Variants in PBRM1 observed in about 807,000 individuals in gnomAD.
PBRM1 encodes protein polybromo-1.
Under a neutral mutation model 194.5 loss-of-function variants are expected in PBRM1, and 27 were observed. The observed-to-expected ratio is 0.14, with a 90% CI of 0.10 to 0.19. PBRM1 has a LOEUF of 0.19. PBRM1 is among the 10% of genes least tolerant of loss of function. The probability of loss-of-function intolerance (pLI) is 1.00; values close to 1 mark genes in which losing one functional copy is unlikely to be tolerated. For synonymous variants in PBRM1, 655 were observed against 693.2 expected (o/e 0.94, Z 0.87); for missense variants, 1,466 against 2,077.2 (o/e 0.71, Z 5.72).
intron 2 of PBRM1, among the ~76,000 whole-genome samples, chr3:52,674,640 A>AT (rs1561075701): frequency 7.1e-3 from 519 of 73,520 alleles, no homozygotes; most frequent in Non-Finnish European, 0.015. Context: ...AAAAAAAAAA[A>AT]AAAATATATA....
At chr3:52,545,522 T>C (rs2079586620), downstream of PBRM1, 1 of 233,056 alleles carries the variant, frequency 4.3e-6, no homozygotes, top group Non-Finnish European at 8.5e-6. Context: ...TATGAAAACA[T>C]TCAAGCTCAA....
At chr3:52,641,542 CTATAG>C (rs1383775461) in intron 10 of PBRM1, among the ~76,000 whole-genome samples, 1 of 148,970 alleles carries the variant, frequency 6.7e-6, no homozygotes, top group African/African-American at 2.5e-5. Flanking sequence ...ATAAAAAAAT[CTATAG>C]TAAAGGGGAA....
chr3:52,673,010 G>A (rs6803012), intron 2 of PBRM1, among the ~76,000 whole-genome samples: 51,314 of 150,930 alleles, frequency 0.34, 9,690 homozygotes, highest in Admixed American at 0.46. Flanking sequence ...TTTTTGAGAC[G>A]GAGTTTTGCT....
upstream of PBRM1, chr3:52,681,763 A>AG (rs2097208526): frequency 9.9e-7 from 1 of 1,012,672 alleles, no homozygotes; most frequent in Non-Finnish European, 1.2e-6. Context: ...AGCCAAGTGA[A>AG]GCCAGTGGGA....
At chr3:52,639,044 G>A (rs2095956191) in intron 10 of PBRM1, among the ~76,000 whole-genome samples, 1 of 150,650 alleles carries the variant, frequency 6.6e-6, no homozygotes, top group Admixed American at 6.6e-5. Flanking sequence ...GAGTGCAATG[G>A]CACAATCTTG....
rs1236430802 is a variant in PBRM1 at position 52,609,995 on chromosome 3, G to A, written c.1925-40C>T. ...TTAATGTTAAATGAATAAAATAAATGAACCTAAATTTGTATACAGATGGTA... is the reference window on the plus strand; with the variant it reads ...TTAATGTTAAATGAATAAAATAAATAAACCTAAATTTGTATACAGATGGTA... On this transcript the variant is annotated intron_variant, in intron 15 of 29. Coordinates refer to ENST00000296302, the Ensembl canonical transcript of PBRM1. This position sits in a 1 kb window ranked among gnomAD's most constrained non-coding sequence, Gnocchi z 4.1. The A allele has an allele frequency of 7.8e-7, 1 of 1,273,994 alleles. No homozygotes were observed. Among genetic ancestry groups the A allele is most frequent in the Non-Finnish European group, 1.1e-6 (1 of 939,778 alleles). The allele number at this position is 1,273,994 out of a possible 1,614,324, so 78.9% of individuals were successfully genotyped here. A position where few individuals can be genotyped will look rare whatever the true frequency, so the allele number is the denominator to read the frequency against.
chr3:52,659,162 G>T (rs1393661548), intron 4 of PBRM1, among the ~76,000 whole-genome samples: 1 of 152,146 alleles, frequency 6.6e-6, no homozygotes, highest in East Asian at 1.9e-4. Context: ...AGACCCACTG[G>T]TTTATACCTA....
chr3:52,589,663 C>T (rs986773240), intron 17 of PBRM1, among the ~76,000 whole-genome samples: 4 of 151,972 alleles, frequency 2.6e-5, no homozygotes, highest in Admixed American at 2.6e-4. Flanking sequence ...TTTCATTTCA[C>T]TAAGTTATTA....
intron 3 of PBRM1, among the ~76,000 whole-genome samples, chr3:52,666,396 C>A (rs776882602): frequency 2.1e-4 from 32 of 152,038 alleles, no homozygotes; most frequent in Non-Finnish European, 2.6e-4. Flanking sequence ...ATTAGCCAGG[C>A]ATGATGGTGG....
intron 2 of PBRM1, among the ~76,000 whole-genome samples, chr3:52,671,290 T>C (rs1391013934): frequency 1.3e-5 from 2 of 152,210 alleles, no homozygotes; most frequent in Non-Finnish European, 2.9e-5. Flanking sequence ...GAAAAAAACA[T>C]ACATTCCACA....
chr3:52,636,353 A>T (rs2095810811), intron 10 of PBRM1, among the ~76,000 whole-genome samples: 1 of 152,142 alleles, frequency 6.6e-6, no homozygotes, highest in African/African-American at 2.4e-5. Flanking sequence ...TATGTTGCTC[A>T]TTTCCCCAAA....
intron 20 of PBRM1, among the ~76,000 whole-genome samples, chr3:52,581,127 T>C (rs1004307162): frequency 6.6e-6 from 1 of 152,194 alleles, no homozygotes; most frequent in Non-Finnish European, 1.5e-5. Context: ...CTTAAAAAAA[T>C]TCCTCCTTCA....
At chr3:52,650,368 A>C (rs886616076) in intron 6 of PBRM1, among the ~76,000 whole-genome samples, 6 of 141,600 alleles carry the variant, frequency 4.2e-5, no homozygotes, top group Admixed American at 8.0e-5. Context: ...TCTCAAAAAA[A>C]AAAAAAAAAA....
chr3:52,656,256 G>A (rs778591331), intron 5 of PBRM1, among the ~76,000 whole-genome samples: 11 of 152,058 alleles, frequency 7.2e-5, no homozygotes, highest in African/African-American at 2.2e-4. Flanking sequence ...TACCTAATTC[G>A]TTTTTCTTTT....
At chr3:52,596,513 C>T (rs1044606626) in intron 17 of PBRM1, among the ~76,000 whole-genome samples, 6 of 138,648 alleles carry the variant, frequency 4.3e-5, no homozygotes, top group East Asian at 2.3e-4. Flanking sequence ...TACCTGGCTA[C>T]TGTTGCTGAT....
intron 2 of PBRM1, among the ~76,000 whole-genome samples, chr3:52,676,114 CAAAA>C (rs1019237005): frequency 2.0e-4 from 1 of 5,116 alleles, no homozygotes; most frequent in South Asian, 9.1e-3. Flanking sequence ...GACTCCGTCT[CAAAA>C]AAAAAAAAAA....
intron 4 of PBRM1, among the ~76,000 whole-genome samples, chr3:52,660,864 C>T (rs2096709821): frequency 6.6e-6 from 1 of 152,058 alleles, no homozygotes; most frequent in African/African-American, 2.4e-5. Context: ...GAGAAATTCA[C>T]CCATCACTGC....
intron 5 of PBRM1, among the ~76,000 whole-genome samples, chr3:52,656,547 C>G (rs1333848657): frequency 6.6e-6 from 1 of 152,186 alleles, no homozygotes; most frequent in African/African-American, 2.4e-5. Context: ...TGCCTGTAAT[C>G]CCAGCTACTT....
chr3:52,639,206 C>T lies in PBRM1; in HGVS notation c.1087+2748G>A, dbSNP rs140035431. ...GGCCAGGATGGTCTCGAACTCCCAA[C>T]GTCAGGTGATCTGCCCACCTCAGGC... On this transcript the variant is annotated intron_variant, in intron 10 of 29. Transcript: ENST00000296302. Among the ~76,000 whole-genome samples, 627 of 152,084 alleles carry T rather than the reference C, an allele frequency of 4.1e-3. 3 individuals are homozygous for T. The highest frequency in any genetic ancestry group is 0.023 in the South Asian group (109 of 4,810).
Sources: gnomAD v4.1 joint callset for allele counts (sites outside exome capture counted in the v4.1 genomes callset) on GRCh38, gnomAD v4.1.1 for gene constraint, Gnocchi (gnomAD v3.1) non-coding constraint, MANE v1.5 for transcripts, NCBI Gene and HGNC (gene_info 2026-07-23, HGNC 2026-07-21) for gene names.